The following NPAS3 variants were observed in gnomAD, a reference collection of about 807,000 sequenced individuals.
NPAS3 encodes neuronal PAS domain protein 3, also known as neuronal PAS domain-containing protein 3.
A neutral mutation model predicts 73.1 loss-of-function variants in NPAS3; 14 were observed. That is an observed-to-expected ratio of 0.19 (90% CI 0.13 to 0.30). The LOEUF is 0.30. NPAS3 is among the 10% of genes least tolerant of loss of function. The pLI, the probability that NPAS3 is intolerant of heterozygous loss-of-function variation, is 1.00. For synonymous variants in NPAS3, 620 were observed against 541.5 expected, an observed-to-expected ratio of 1.14 and a Z score of -2.01; for missense variants, 1,096 against 1,250.0, an observed-to-expected ratio of 0.88 and a Z score of 1.86.
chr14:33,120,792 C>T (rs1335949073), intron 2 of NPAS3, among the ~76,000 whole-genome samples: 2 of 152,014 alleles, frequency 1.3e-5, no homozygotes, highest in African/African-American at 4.8e-5. Flanking sequence ...CTATGAGCCT[C>T]AAAATTAGAG....
intron 5 of NPAS3, among the ~76,000 whole-genome samples, chr14:33,631,650 C>T (rs76854139): frequency 5.9e-5 from 9 of 152,114 alleles, no homozygotes; most frequent in African/African-American, 4.8e-5. Context: ...CTCTCTTTGG[C>T]GGTGCATCGA....
intron 3 of NPAS3, among the ~76,000 whole-genome samples, chr14:33,316,713 A>G (rs1416017072): frequency 6.6e-6 from 1 of 152,202 alleles, no homozygotes; most frequent in African/African-American, 2.4e-5. Context: ...CCTCTTGTGC[A>G]TGTGTTAGCA....
Position 33,555,887 on chromosome 14 carries a change from T to G in NPAS3, c.469-4234T>G, listed in dbSNP as rs932544615. 3.0e-3 allele frequency among the ~76,000 whole-genome samples: 263 copies of G among 88,644 alleles called. 2 individuals are homozygous for G. The highest frequency in any genetic ancestry group is 9.5e-3 in the Middle Eastern group (2 of 210). The allele number at this position is 88,644 out of a possible 152,430, so 58.2% of individuals were successfully genotyped here. A position where few individuals can be genotyped will look rare whatever the true frequency, so the allele number is the denominator to read the frequency against. ...AATATGGTAAATTAACCAATTGTTG[T>G]TGGTGTGTCTGTGTGTGTGTGTGTG... On this transcript the variant is annotated intron_variant, in intron 4 of 11. Coordinates refer to ENST00000356141, the Ensembl canonical transcript of NPAS3.
intron 9 of NPAS3, among the ~76,000 whole-genome samples, chr14:33,787,885 A>G (rs1449038778): frequency 2.0e-5 from 3 of 152,178 alleles, no homozygotes; most frequent in African/African-American, 4.8e-5. Context: ...TTTTAAGTCT[A>G]TGTCAGGTTC....
chr14:33,648,909 C>T (rs1335699668), intron 5 of NPAS3, among the ~76,000 whole-genome samples: 4 of 152,126 alleles, frequency 2.6e-5, no homozygotes, highest in East Asian at 1.9e-4. Flanking sequence ...CCTTGTGCTG[C>T]CCCCCAGAAT....
At chr14:33,011,094 A>T (rs550740149) in intron 1 of NPAS3, among the ~76,000 whole-genome samples, 47 of 152,348 alleles carry the variant, frequency 3.1e-4, no homozygotes, top group African/African-American at 1.1e-3. Flanking sequence ...AGATGTTTGC[A>T]AAAGTGAAAC....
chr14:33,677,989 AC>A lies in NPAS3; in HGVS notation c.733+1606del, dbSNP rs565087243. Among the ~76,000 whole-genome samples the A allele has an allele frequency of 7.9e-5, 12 of 152,276 alleles. No individual in the cohort carries two copies. The South Asian group carries it at 2.5e-3, about 32-fold the overall frequency. ...TACTCTTTCATCCTGATGTTGGAGA[AC>A]CTCTTCCTCATGACTCAAACACGCA... is the stretch of plus-strand genomic sequence containing the variant. On this transcript the variant is annotated intron_variant, in intron 6 of 11. Coordinates refer to ENST00000356141, the Ensembl canonical transcript of NPAS3.
At chr14:33,594,272 T>TTTG (rs372935827) in intron 5 of NPAS3, among the ~76,000 whole-genome samples, 5,066 of 152,008 alleles carry the variant, frequency 0.033, 129 homozygotes, top group Non-Finnish European at 0.047. Flanking sequence ...GCTATTATTG[T>TTTG]TTGTTGTTGT....
chr14:32,981,084 G>A (rs937148589), intron 1 of NPAS3, among the ~76,000 whole-genome samples: 1 of 152,090 alleles, frequency 6.6e-6, no homozygotes. Flanking sequence ...TCCACTTTCA[G>A]CCAGGAGTTA....
At position 33,471,074 on chromosome 14, in the gene NPAS3, G is replaced by A. The variant is rs796929085; in HGVS notation, c.469-89047G>A. 5.9e-5 allele frequency among the ~76,000 whole-genome samples: 9 copies of A among 152,192 alleles called. 1 individual carries two copies. Among genetic ancestry groups the A allele is most frequent in the African/African-American group, 1.2e-4 (5 of 41,508 alleles). ...TACGCTGTCCTCCAGTCTCTTTCAC[G>A]AGAGCTCTGCGCATATTAGGTAGCT... On this transcript the variant is annotated intron_variant, in intron 4 of 11. Coordinates refer to ENST00000356141, the Ensembl canonical transcript of NPAS3.
chr14:33,003,070 CTTTT>C (rs76957822), intron 1 of NPAS3, among the ~76,000 whole-genome samples: 1 of 141,300 alleles, frequency 7.1e-6, no homozygotes. Flanking sequence ...ATTTTTGTTT[CTTTT>C]TTTTTTTTCG....
intron 5 of NPAS3, among the ~76,000 whole-genome samples, chr14:33,639,885 C>A (rs149536597): frequency 6.6e-6 from 1 of 152,268 alleles, no homozygotes; most frequent in African/African-American, 2.4e-5. Context: ...GTTTTGTGTT[C>A]TTTCAGCTAT....
intron 4 of NPAS3, among the ~76,000 whole-genome samples, chr14:33,538,647 A>G (rs1421763732): frequency 6.6e-6 from 1 of 152,220 alleles, no homozygotes; most frequent in Non-Finnish European, 1.5e-5. Flanking sequence ...TAGCACTGAC[A>G]AGTATTTGGA....
chr14:33,315,966 C>T (rs934079508), intron 3 of NPAS3, among the ~76,000 whole-genome samples: 1 of 151,974 alleles, frequency 6.6e-6, no homozygotes, highest in Non-Finnish European at 1.5e-5. Context: ...CTGGTTTATT[C>T]GTTTATAACT....
intron 5 of NPAS3, among the ~76,000 whole-genome samples, chr14:33,616,608 A>T (rs972242397): frequency 1.3e-5 from 2 of 152,114 alleles, no homozygotes; most frequent in Admixed American, 6.5e-5. Flanking sequence ...TGCCTTAGTG[A>T]GGAGAGTGAT....
chr14:33,124,324 G>A (rs79496789), intron 2 of NPAS3, among the ~76,000 whole-genome samples: 2,763 of 152,190 alleles, frequency 0.018, 79 homozygotes, highest in African/African-American at 0.064. Flanking sequence ...GCATTGTAGA[G>A]GCAGCGTAGC....
chr14:33,745,722 C>T (rs1369784567), intron 7 of NPAS3, among the ~76,000 whole-genome samples: 1 of 152,172 alleles, frequency 6.6e-6, no homozygotes, highest in Non-Finnish European at 1.5e-5. Flanking sequence ...GTTATATGAG[C>T]TCTAGAATAA....
chr14:33,155,951 T>A (rs916862835), intron 2 of NPAS3, among the ~76,000 whole-genome samples: 2 of 152,236 alleles, frequency 1.3e-5, no homozygotes, highest in African/African-American at 4.8e-5. Flanking sequence ...AATTTAAACT[T>A]GTTTTAAAAA....
At chr14:33,063,741 C>T (rs1479946869) in intron 2 of NPAS3, among the ~76,000 whole-genome samples, 1 of 152,196 alleles carries the variant, frequency 6.6e-6, no homozygotes, top group African/African-American at 2.4e-5. Flanking sequence ...CCGCATTAGA[C>T]CTCAGGCTAT....
Sources: allele counts gnomAD v4.1 joint callset (sites outside exome capture counted in the v4.1 genomes callset), GRCh38; gene constraint gnomAD v4.1.1; transcripts MANE v1.5; gene names NCBI Gene and HGNC (gene_info 2026-07-23, HGNC 2026-07-21).